The following MIER2 variants were observed in gnomAD, a reference collection of about 807,000 sequenced individuals.
MIER2 encodes MIER family member 2, also known as mesoderm induction early response protein 2.
Under a neutral mutation model 67.6 loss-of-function variants are expected in MIER2, and 30 were observed. The observed-to-expected ratio is 0.44, with a 90% CI of 0.33 to 0.60. The LOEUF (loss-of-function observed/expected upper bound fraction) is 0.60, where lower values mean the gene tolerates loss of function less well. MIER2 is among the 20% of genes least tolerant of loss of function. The probability of loss-of-function intolerance (pLI) is 0.02; values close to 1 mark genes in which losing one functional copy is unlikely to be tolerated. For missense variants in MIER2, 702 were observed against 745.1 expected, an observed-to-expected ratio of 0.94 and a Z score of 0.67; for synonymous variants, 372 against 312.6, an observed-to-expected ratio of 1.19 and a Z score of -2.00.
intron 10 of MIER2, among the ~76,000 whole-genome samples, chr19:311,534 C>G (rs571297303): frequency 6.6e-6 from 1 of 152,312 alleles, no homozygotes; most frequent in East Asian, 1.9e-4. Context: ...AGGCTCTGCT[C>G]AGAGGACACA....
In MIER2 at chr19:308,516, C is replaced by T; in HGVS notation, c.1198+61G>A. 1 of 1,501,006 alleles carries T rather than the reference C, an allele frequency of 6.7e-7. No individual in the cohort carries two copies. The highest frequency in any genetic ancestry group is 2.0e-5 in the Admixed American group (1 of 49,376). The allele number at this position is 1,501,006 out of a possible 1,614,324, so 93.0% of individuals were successfully genotyped here. On this transcript the variant is annotated intron_variant, in intron 12 of 13. Transcript: ENST00000264819. The surrounding 1 kb of genome is among the most constrained non-coding windows in gnomAD (Gnocchi z 9.1). ...CCAGGCAGGAGAGGCTCCACCGGGC[C>T]TCACTCACGGCTCCAGACCCGTGGC...
At chr19:312,298 C>A (rs775432921) in intron 8 of MIER2, 26 bp from the exon 9 acceptor site, 4 of 1,610,166 alleles carry the variant, frequency 2.5e-6, no homozygotes, top group Non-Finnish European at 3.4e-6. Flanking sequence ...GTTGGCTCTT[C>A]CATGGGCTCA....
chr19:335,630 C>T (rs2054481257), intron 2 of MIER2, among the ~76,000 whole-genome samples: 1 of 152,216 alleles, frequency 6.6e-6, no homozygotes, highest in African/African-American at 2.4e-5. Context: ...GCAGGCCCAA[C>T]GCAGGTGGCT....
Position 326,585 on chromosome 19 carries a change from A to G in MIER2, c.507T>C (p.Ala169=). 6.2e-7 allele frequency: 1 copy of G among 1,614,098 alleles called. No homozygotes were observed. Among genetic ancestry groups the G allele is most frequent in the Non-Finnish European group, 8.5e-7 (1 of 1,179,944 alleles). ...FPNRSGSRFL[A]DEDREPGSSA... ...AAGAGCCAGGCTCTCTGTCTTCATC[A>G]GCCAGGAAACGAGCTTTGGGAAAAC... Residue 169 remains alanine, a synonymous_variant, in exon 6 of 14, where the codon GCT becomes GCC. Coordinates refer to ENST00000264819, the MANE Select transcript of MIER2 (RefSeq NM_017550.3).
intron 1 of MIER2, among the ~76,000 whole-genome samples, chr19:339,484 C>T (rs557914438): frequency 3.9e-5 from 6 of 152,348 alleles, no homozygotes; most frequent in African/African-American, 1.4e-4. Context: ...TGGAACTCTC[C>T]TGTGCCCTGC....
At chr19:314,130 G>T (rs188471089) in intron 7 of MIER2, among the ~76,000 whole-genome samples, 327 of 152,308 alleles carry the variant, frequency 2.1e-3, no homozygotes, top group African/African-American at 7.4e-3. Flanking sequence ...AGGCAGCTGA[G>T]ACTTGGGCCC....
intron 7 of MIER2, among the ~76,000 whole-genome samples, chr19:319,490 G>A (rs1315854138): frequency 6.6e-6 from 1 of 152,120 alleles, no homozygotes; most frequent in African/African-American, 2.4e-5. Context: ...ACGGAGTCTC[G>A]CTCTGTCACC....
rs199940044 is a variant in MIER2 at position 308,918 on chromosome 19, G to C, written c.992C>G (p.Thr331Arg). ...FHLIQANKVR[T>R]RSVGECVEYY... ...CTCGACACACTCGCCCACTGACCGT[G>C]TGCGCACCTGCGGGGAGGGGTCAGG... The change falls in exon 11 of 14, where the codon ACA becomes AGA. Residue 331 changes from threonine to arginine, a missense_variant. Transcript: ENST00000264819. This position sits in a 1 kb window ranked among gnomAD's most constrained non-coding sequence, Gnocchi z 9.1. The C allele has an allele frequency of 6.2e-7, 1 of 1,602,260 alleles. No homozygotes were observed. Among genetic ancestry groups the C allele is most frequent in the Non-Finnish European group, 8.5e-7 (1 of 1,171,182 alleles).
chr19:306,759 C>T (rs1323058692), intron 13 of MIER2, 48 bp from the exon 14 acceptor site: 1 of 1,552,046 alleles, frequency 6.4e-7, no homozygotes, highest in South Asian at 1.2e-5. Context: ...AGTGCGGCCC[C>T]ACGTGCCTGC....
intron 7 of MIER2, among the ~76,000 whole-genome samples, chr19:314,610 AGGGGCCTCT>A (rs1475412438): frequency 6.6e-6 from 1 of 152,136 alleles, no homozygotes; most frequent in African/African-American, 2.4e-5. Context: ...CCCACCAAGC[AGGGGCCTCT>A]CCCGGTCCTC....
rs1970653786 is a variant in MIER2, at chr19:306,467, GGGCGCTGAC to G, written c.*214_*222del. On this transcript the variant is annotated 3_prime_UTR_variant, in exon 14 of 14. Transcript: ENST00000264819. ...CGGCCCGGACCCGGGTGGCAGTGCC[GGGCGCTGAC>G]GGCGCTGGGTGGGGCCGTGGGTCCA... is the stretch of plus-strand genomic sequence containing the variant. The G allele has an allele frequency of 1.6e-6, 1 of 642,954 alleles. No individual in the cohort carries two copies. Among genetic ancestry groups the G allele is most frequent in the African/African-American group, 1.8e-5 (1 of 54,486 alleles). 39.8% of individuals were successfully genotyped at this position (642,954 alleles called of 1,614,324 possible).
In MIER2 at chr19:343,498, C is replaced by T. The variant is rs544031809; in HGVS notation, c.9+1276G>A. On this transcript the variant is annotated intron_variant, in intron 1 of 13. Coordinates refer to ENST00000264819, the MANE Select transcript of MIER2 (RefSeq NM_017550.3). The stretch of plus-strand genomic sequence containing the variant: ...CTGGCCTAGTATCGAGACACCTACA[C>T]CGTCTTTGGCATAAACACAGGGCCT... Among the ~76,000 whole-genome samples the T allele has an allele frequency of 5.3e-5, 8 of 152,328 alleles. No individual in the cohort carries two copies. In the South Asian group the frequency reaches 1.7e-3, roughly 32 times the overall value.
Position 326,614 on chromosome 19 carries a change from G to T in MIER2, c.494-16C>A, listed in dbSNP as rs373493822. 51 of 1,610,606 alleles carry T rather than the reference G, an allele frequency of 3.2e-5. No individual in the cohort carries two copies. The African/African-American group carries it at 5.7e-4, about 18-fold the overall frequency. Reference sequence around the variant, plus strand: ...AGGAAACGAGCTTTGGGAAAACAGAGGCAGGTCCCCCAGGGTCTCCACTGC... The same window carrying T: ...AGGAAACGAGCTTTGGGAAAACAGATGCAGGTCCCCCAGGGTCTCCACTGC... On this transcript the variant is annotated splice_polypyrimidine_tract_variant and intron_variant, in intron 5 of 13. Coordinates refer to ENST00000264819, the MANE Select transcript of MIER2 (RefSeq NM_017550.3).
intron 1 of MIER2, chr19:344,521 C>T (rs974860959): frequency 6.1e-5 from 22 of 362,014 alleles, no homozygotes; most frequent in Non-Finnish European, 8.0e-5. Flanking sequence ...CCGCCCGCCC[C>T]GCGCCGCCGC....
intron 1 of MIER2, among the ~76,000 whole-genome samples, chr19:340,018 TATTTAATGAAGTTTAAA>T: frequency 6.6e-6 from 1 of 152,306 alleles, no homozygotes; most frequent in East Asian, 1.9e-4. Flanking sequence ...TAGATTAAAA[TATTTAATGAAGTTTAAA>T]AACTTGTGTA....
chr19:329,243 G>C (rs1310007797), intron 3 of MIER2, among the ~76,000 whole-genome samples: 2 of 151,836 alleles, frequency 1.3e-5, no homozygotes, highest in Non-Finnish European at 2.9e-5. Flanking sequence ...TCTCCAGGTG[G>C]AATATCTACA....
chr19:313,604 A>G lies in MIER2; in HGVS notation c.695T>C (p.Val232Ala), dbSNP rs551838828. The change falls in exon 8 of 14, where the codon GTC (valine) becomes GCC (alanine). Residue 232 changes from valine to alanine, a missense_variant. Coordinates refer to ENST00000264819, the MANE Select transcript of MIER2 (RefSeq NM_017550.3). The stretch of plus-strand genomic sequence containing the variant: ...CTCCTCCACCTCCCTCTCAGGGAGG[A>G]CGCTGGGGTCCCAGAGCAGCTGGTC... ...NEDQLLWDPS[V>A]LPEREVEEFL... The G allele has an allele frequency of 6.2e-7, 1 of 1,613,130 alleles. No individual in the cohort carries two copies. Among genetic ancestry groups the G allele is most frequent in the South Asian group, 1.1e-5 (1 of 91,086 alleles).
chr19:326,625 C>A, intron 5 of MIER2, 27 bp from the exon 6 acceptor site: 1 of 1,587,674 alleles, frequency 6.3e-7, no homozygotes, highest in South Asian at 1.1e-5. Context: ...GCAGGTCCCC[C>A]AGGGTCTCCA....
chr19:337,139 C>A (rs1437934465), intron 1 of MIER2, among the ~76,000 whole-genome samples: 1 of 152,074 alleles, frequency 6.6e-6, no homozygotes. Flanking sequence ...CTACCGCAAG[C>A]CACGATATCT....
Sources: gnomAD v4.1 joint callset for allele counts (sites outside exome capture counted in the v4.1 genomes callset) on GRCh38, gnomAD v4.1.1 for gene constraint, Gnocchi (gnomAD v3.1) non-coding constraint, MANE v1.5 for transcripts, NCBI Gene and HGNC (gene_info 2026-07-23, HGNC 2026-07-21) for gene names.